Variants in ZNF276 observed in about 807,000 individuals in gnomAD.
ZNF276 encodes the protein centromere protein Z.
A neutral mutation model predicts 63.9 loss-of-function variants in ZNF276; 59 were observed. The ratio of observed to expected loss-of-function variants is 0.92; its 90% CI spans 0.75 to 1.15. ZNF276 has a LOEUF of 1.15. ZNF276 is among the 50% of genes most tolerant of loss of function. The probability of loss-of-function intolerance (pLI) is 0.00; values close to 1 mark genes in which losing one functional copy is unlikely to be tolerated. For synonymous variants in ZNF276, 496 were observed against 348.4 expected (o/e 1.42, Z -4.72); for missense variants, 1,084 against 843.8 (o/e 1.28, Z -3.53).
chr16:89,732,661 C>A, intron 6 of ZNF276: 1 of 232,406 alleles, frequency 4.3e-6, no homozygotes, highest in Non-Finnish European at 8.7e-6. Context: ...CCTCCTGTAC[C>A]CTGCGTCCTC....
Position 89,722,525 on chromosome 16 carries a change from G to T in ZNF276, c.206-6G>T, listed in dbSNP as rs773052708. The T allele has an allele frequency of 1.2e-6, 2 of 1,609,284 alleles. No homozygotes were observed. On this transcript the variant is annotated splice_region_variant and splice_polypyrimidine_tract_variant and intron_variant, in intron 1 of 10. Transcript: ENST00000443381. Reference sequence around the variant, plus strand: ...AGCTGCTAACACTTCCTGCCGCTCTGTGCAGGAGCAGGCCGGGCTCTCGCC... The same window carrying T: ...AGCTGCTAACACTTCCTGCCGCTCTTTGCAGGAGCAGGCCGGGCTCTCGCC...
At position 89,739,755 on chromosome 16, in the gene ZNF276, G is replaced by T. The variant is rs866311957; in HGVS notation, c.*1509G>T. On this transcript the variant is annotated 3_prime_UTR_variant, in exon 11 of 11. Coordinates refer to ENST00000443381, the MANE Select transcript of ZNF276 (RefSeq NM_001113525.2). ...GGGGGTCGACCTCTTGCAGGAGGGT[G>T]GGTGTGGTGCAGAGAGAGGCAGTCC... is the stretch of plus-strand genomic sequence containing the variant. 8.1e-6 allele frequency: 12 copies of T among 1,486,578 alleles called. No homozygotes were observed. In the African/African-American group the frequency reaches 1.2e-4, roughly 15 times the overall value. 92.1% of individuals were successfully genotyped at this position (1,486,578 alleles called of 1,614,324 possible). A position where few individuals can be genotyped will look rare whatever the true frequency, so the allele number is the denominator to read the frequency against.
Position 89,739,289 on chromosome 16 carries a change from A to C in ZNF276, c.*1043A>C, listed in dbSNP as rs1490606588. The stretch of plus-strand genomic sequence containing the variant: ...CGTCTTCATGGAAGTAGGAGAGAAG[A>C]CTAGAGGTAAAGACATAGTGACAAA... On this transcript the variant is annotated 3_prime_UTR_variant, in exon 11 of 11. Coordinates refer to ENST00000443381, the MANE Select transcript of ZNF276 (RefSeq NM_001113525.2). The C allele has an allele frequency of 1.2e-6, 2 of 1,614,034 alleles. No individual in the cohort carries two copies. The highest frequency in any genetic ancestry group is 1.7e-6 in the Non-Finnish European group (2 of 1,180,046).
intron 9 of ZNF276, 35 bp from the exon 10 acceptor site, chr16:89,737,771 C>T: frequency 1.2e-6 from 2 of 1,612,698 alleles, no homozygotes; most frequent in Non-Finnish European, 1.7e-6. Context: ...GTTGGAGCAT[C>T]AGGGGCCTGG....
In ZNF276 at chr16:89,739,119, G is replaced by A. The variant is rs1180253164; in HGVS notation, c.*873G>A. The A allele has an allele frequency of 1.9e-6, 3 of 1,613,934 alleles. No individual in the cohort carries two copies. The highest frequency in any genetic ancestry group is 2.5e-6 in the Non-Finnish European group (3 of 1,179,980). On this transcript the variant is annotated 3_prime_UTR_variant, in exon 11 of 11. Coordinates refer to ENST00000443381, the MANE Select transcript of ZNF276 (RefSeq NM_001113525.2). ...GGGAGCTCCCCTGGAGGTGGGACTGGCCCTTGCACCTGCCTGACCCTTGAG... is the reference window on the plus strand; with the variant it reads ...GGGAGCTCCCCTGGAGGTGGGACTGACCCTTGCACCTGCCTGACCCTTGAG...
rs750161523 is a variant in ZNF276, at chr16:89,738,993, A to C, written c.*747A>C. 7 of 1,614,004 alleles carry C rather than the reference A, an allele frequency of 4.3e-6. No individual in the cohort carries two copies. The highest frequency in any genetic ancestry group is 4.2e-6 in the Non-Finnish European group (5 of 1,180,024). ...GGTTGCCCTAGAGAGAAAACAGGCA[A>C]ACTCACAGGTTAGAAGACATACAGA... is the stretch of plus-strand genomic sequence containing the variant. On this transcript the variant is annotated 3_prime_UTR_variant, in exon 11 of 11. Transcript: ENST00000443381.
intron 6 of ZNF276, chr16:89,731,844 G>T (rs1320132663): frequency 6.6e-6 from 1 of 152,210 alleles, no homozygotes; most frequent in Admixed American, 6.5e-5. Context: ...ATTAATTAGG[G>T]TTTTTTGTAT....
chr16:89,737,799 C>T lies in ZNF276; in HGVS notation c.1475-7C>T. 6.2e-7 allele frequency: 1 copy of T among 1,614,162 alleles called. No homozygotes were observed. The highest frequency in any genetic ancestry group is 1.1e-5 in the South Asian group (1 of 91,056). ...GGGCCTGGACTCACTGGACTCTCCC[C>T]TCTCAGAGGTGCGGAACTATATCTG... On this transcript the variant is annotated splice_polypyrimidine_tract_variant and splice_region_variant and intron_variant, in intron 9 of 10. Transcript: ENST00000443381.
rs543824702 is a variant in ZNF276 at position 89,721,583 on chromosome 16, C to T, written c.-58C>T. 4 of 1,450,804 alleles carry T rather than the reference C, an allele frequency of 2.8e-6. No individual in the cohort carries two copies. The highest frequency in any genetic ancestry group is 3.6e-6 in the Non-Finnish European group (4 of 1,101,548). The allele number at this position is 1,450,804 out of a possible 1,614,324, so 89.9% of individuals were successfully genotyped here. A position where few individuals can be genotyped will look rare whatever the true frequency, so the allele number is the denominator to read the frequency against. On this transcript the variant is annotated 5_prime_UTR_variant, in exon 1 of 11. Coordinates refer to ENST00000443381, the MANE Select transcript of ZNF276 (RefSeq NM_001113525.2). ...GCCGAGCGGAGCCTAACGCCGGGTC[C>T]TCTAGGAACCTCGGGCCGGGCAGCA...
rs967318734 is a variant in ZNF276 at position 89,739,724 on chromosome 16, G to C, written c.*1478G>C. 6.7e-7 allele frequency: 1 copy of C among 1,503,314 alleles called. No homozygotes were observed. The highest frequency in any genetic ancestry group is 2.5e-5 in the East Asian group (1 of 40,590). 93.1% of individuals were successfully genotyped at this position (1,503,314 alleles called of 1,614,324 possible). A position where few individuals can be genotyped will look rare whatever the true frequency, so the allele number is the denominator to read the frequency against. On this transcript the variant is annotated 3_prime_UTR_variant, in exon 11 of 11. Coordinates refer to ENST00000443381, the MANE Select transcript of ZNF276 (RefSeq NM_001113525.2). ...CAGGTACCTGTCAGCAGCTGGGAGA[G>C]GATGGGGGGGTCGACCTCTTGCAGG...
At chr16:89,726,170 C>T (rs1461288420) in intron 4 of ZNF276, among the ~76,000 whole-genome samples, 1 of 147,232 alleles carries the variant, frequency 6.8e-6, no homozygotes, top group Non-Finnish European at 1.5e-5. Flanking sequence ...CTTGTGCCAC[C>T]ACACCCTGCT....
At position 89,721,648 on chromosome 16, in the gene ZNF276, G is replaced by A. The variant is rs1446810790; in HGVS notation, c.8G>A (p.Arg3Gln). The A allele has an allele frequency of 3.4e-6, 5 of 1,468,634 alleles. No individual in the cohort carries two copies. The highest frequency in any genetic ancestry group is 2.4e-5 in the Admixed American group (1 of 41,380). 91.0% of individuals were successfully genotyped at this position (1,468,634 alleles called of 1,614,324 possible). MK[R>Q]DRLGRFLSPG... ...CTGGCGTCCTCCGCTGCCATGAAGCGGGACCGGCTGGGCCGCTTCCTGTCT... is the reference window on the plus strand; with the variant it reads ...CTGGCGTCCTCCGCTGCCATGAAGCAGGACCGGCTGGGCCGCTTCCTGTCT... Residue 3 changes from arginine (R) to glutamine (Q), a missense_variant, in exon 1 of 11, where the codon CGG becomes CAG. Coordinates refer to ENST00000443381, the MANE Select transcript of ZNF276 (RefSeq NM_001113525.2).
At position 89,738,636 on chromosome 16, in the gene ZNF276, C is replaced by T. The variant is rs769025633; in HGVS notation, c.*390C>T. 1 of 1,613,684 alleles carries T rather than the reference C, an allele frequency of 6.2e-7. No homozygotes were observed. The highest frequency in any genetic ancestry group is 1.7e-5 in the Admixed American group (1 of 60,036). On this transcript the variant is annotated 3_prime_UTR_variant, in exon 11 of 11. Coordinates refer to ENST00000443381, the MANE Select transcript of ZNF276 (RefSeq NM_001113525.2). The stretch of plus-strand genomic sequence containing the variant: ...TGAGGCTCCTGGGACAGGTCAGCGT[C>T]AGGGGCAGCCTGCTGTCTGCTCTGG...
chr16:89,723,061 C>G, intron 2 of ZNF276, 76 bp from the exon 3 acceptor site: 1 of 1,611,308 alleles, frequency 6.2e-7, no homozygotes, highest in Admixed American at 1.7e-5. Flanking sequence ...TTTGAGATCT[C>G]GAGAGGGTCC....
At chr16:89,731,463 C>T (rs967307645) in intron 6 of ZNF276, 5 of 152,262 alleles carry the variant, frequency 3.3e-5, no homozygotes, top group African/African-American at 1.2e-4. Flanking sequence ...CCACGTTGGC[C>T]ACACTGGTCT....
At chr16:89,734,681 C>T (rs2061790276) in intron 9 of ZNF276, among the ~76,000 whole-genome samples, 1 of 152,156 alleles carries the variant, frequency 6.6e-6, no homozygotes, top group Admixed American at 6.6e-5. Flanking sequence ...TGGGGAGCTG[C>T]CCACGTGGAC....
At chr16:89,723,227 C>G (rs538701385) in intron 3 of ZNF276, 33 bp from the exon 4 acceptor site, 1 of 1,613,246 alleles carries the variant, frequency 6.2e-7, no homozygotes, top group South Asian at 1.1e-5. Flanking sequence ...GCCGACCAGC[C>G]GTGGATCTGA....
rs118167058 is a variant in ZNF276 at position 89,722,844 on chromosome 16, A to G, written c.509+10A>G. 9.4e-6 allele frequency: 15 copies of G among 1,598,986 alleles called. No individual in the cohort carries two copies. The East Asian group carries it at 3.1e-4, about 33-fold the overall frequency. On this transcript the variant is annotated intron_variant, in intron 2 of 10. Transcript: ENST00000443381. ...GGAAGCCTTGTGCAAAGTACGCCCT[A>G]GTCTGTTCAGAGCACGTTCAGGCTG...
intron 8 of ZNF276, 81 bp from the exon 9 acceptor site, chr16:89,733,840 C>T (rs202111314): frequency 4.5e-5 from 59 of 1,315,640 alleles, no homozygotes; most frequent in Non-Finnish European, 6.0e-5. Flanking sequence ...CTTCCAGGGG[C>T]CTCAGCTGTC....
Sources: gnomAD v4.1 joint callset for allele counts (sites outside exome capture counted in the v4.1 genomes callset) on GRCh38, gnomAD v4.1.1 for gene constraint, MANE v1.5 for transcripts, NCBI Gene and HGNC (gene_info 2026-07-23, HGNC 2026-07-21) for gene names.